CNTN3: variants seen among roughly 807,000 people sequenced by gnomAD.
CNTN3 encodes the protein contactin-3.
CNTN3 carries 60 observed loss-of-function variants against 119.1 expected under a neutral mutation model. That is an observed-to-expected ratio of 0.50 (90% CI 0.41 to 0.62). The LOEUF is 0.62. Among genes scored for constraint, CNTN3 ranks in the 20% least tolerant of loss-of-function variants. CNTN3 has a pLI of 0.00. For missense variants in CNTN3, 1,101 were observed against 1,242.4 expected (o/e 0.89, Z 1.71); for synonymous variants, 450 against 438.7 (o/e 1.03, Z -0.32).
At chr3:74,285,763 A>T (rs1702097969) in intron 19 of CNTN3, among the ~76,000 whole-genome samples, 1 of 135,656 alleles carries the variant, frequency 7.4e-6, no homozygotes, top group African/African-American at 2.6e-5. Context: ...CCAGACTATG[A>T]GATTATAAGT....
intron 1 of CNTN3, among the ~76,000 whole-genome samples, chr3:74,551,754 C>CTTTTTTTTTTTTTTTTTTT (rs776621925): frequency 1.7e-5 from 1 of 60,178 alleles, no homozygotes; most frequent in Non-Finnish European, 2.8e-5. Flanking sequence ...TCTTCTTCTT[C>CTTTTTTTTTTTTTTTTTTT]TTTTTTTTTT....
At chr3:74,610,878 A>C (rs537049290) in intron 1 of CNTN3, among the ~76,000 whole-genome samples, 1 of 152,314 alleles carries the variant, frequency 6.6e-6, no homozygotes, top group Admixed American at 6.5e-5. Context: ...AAATAAAAGC[A>C]CTTGAAGTAT....
At chr3:74,450,552 T>C (rs562164142) in intron 4 of CNTN3, among the ~76,000 whole-genome samples, 2 of 151,692 alleles carry the variant, frequency 1.3e-5, no homozygotes, top group Non-Finnish European at 2.9e-5. Context: ...AGGGTACATG[T>C]GCACAATGTG....
chr3:74,606,970 T>C (rs894675322), intron 1 of CNTN3, among the ~76,000 whole-genome samples: 20 of 152,258 alleles, frequency 1.3e-4, no homozygotes, highest in African/African-American at 4.8e-4. Context: ...GAAAAAAATT[T>C]ATGTACTCCA....
intron 5 of CNTN3, among the ~76,000 whole-genome samples, chr3:74,371,966 C>T (rs894854164): frequency 1.3e-5 from 2 of 152,092 alleles, no homozygotes; most frequent in Admixed American, 1.3e-4. Flanking sequence ...ACTTTCAACA[C>T]CAACCACATT....
intron 13 of CNTN3, among the ~76,000 whole-genome samples, chr3:74,317,476 C>T (rs1702864277): frequency 6.6e-6 from 1 of 152,072 alleles, no homozygotes; most frequent in Non-Finnish European, 1.5e-5. Flanking sequence ...TGGCTGGTAC[C>T]AGTTGTTCCT....
chr3:74,292,435 G>A (rs145181220), intron 19 of CNTN3, among the ~76,000 whole-genome samples: 52 of 152,188 alleles, frequency 3.4e-4, no homozygotes, highest in African/African-American at 9.4e-4. Context: ...GCGTGGTGGC[G>A]TGCACCTGTA....
intron 2 of CNTN3, among the ~76,000 whole-genome samples, chr3:74,513,353 C>A (rs1026678990): frequency 2.0e-5 from 3 of 152,092 alleles, no homozygotes; most frequent in Non-Finnish European, 4.4e-5. Context: ...CAGCCAATAG[C>A]AGCTTTCACC....
rs200860489 is a variant in CNTN3 at position 74,334,914 on chromosome 3, T to C, written c.1493-4A>G. On this transcript the variant is annotated splice_region_variant and splice_polypyrimidine_tract_variant and intron_variant, in intron 12 of 22. Transcript: ENST00000263665. ...GCCAAAGTTATTCTTGTTGGTTCTA[T>C]TGGGGAAATAATTTTTCAGAAAAAC... 32 of 1,600,354 alleles carry C rather than the reference T, an allele frequency of 2.0e-5. No individual in the cohort carries two copies. The highest frequency in any genetic ancestry group is 2.6e-5 in the Non-Finnish European group (31 of 1,174,576).
chr3:74,360,681 C>T (rs2106769673), intron 11 of CNTN3, among the ~76,000 whole-genome samples: 1 of 152,186 alleles, frequency 6.6e-6, no homozygotes, highest in Non-Finnish European at 1.5e-5. Flanking sequence ...ATTTTGTACT[C>T]ATTCAGGTTG....
chr3:74,576,242 C>G (rs1704415010), intron 1 of CNTN3, among the ~76,000 whole-genome samples: 1 of 152,158 alleles, frequency 6.6e-6, no homozygotes, highest in African/African-American at 2.4e-5. Flanking sequence ...CACACAGATT[C>G]ATTTCTTCAA....
chr3:74,474,120 G>T (rs1702612617), intron 4 of CNTN3, among the ~76,000 whole-genome samples: 1 of 152,072 alleles, frequency 6.6e-6, no homozygotes, highest in African/African-American at 2.4e-5. Flanking sequence ...GAGGTGAGAG[G>T]CGAGCTGACT....
chr3:74,360,005 C>T (rs985994750), intron 11 of CNTN3, among the ~76,000 whole-genome samples: 1 of 152,170 alleles, frequency 6.6e-6, no homozygotes, highest in Admixed American at 6.5e-5. Flanking sequence ...CTATTCTGTG[C>T]AGCCTAGCAT....
intron 19 of CNTN3, among the ~76,000 whole-genome samples, chr3:74,291,201 T>A (rs1285688184): frequency 6.6e-6 from 1 of 152,178 alleles, no homozygotes; most frequent in East Asian, 1.9e-4. Context: ...GTTTCCAGCT[T>A]CATCCATGTC....
chr3:74,285,663 G>C (rs1049798946), intron 19 of CNTN3, among the ~76,000 whole-genome samples, 172 bp from the exon 20 acceptor site: 7 of 151,126 alleles, frequency 4.6e-5, no homozygotes, highest in African/African-American at 1.5e-4. Flanking sequence ...CAGCAGTGAA[G>C]ATAGAGAAAA....
intron 1 of CNTN3, among the ~76,000 whole-genome samples, chr3:74,535,606 A>C (rs747423471): frequency 6.6e-6 from 1 of 151,980 alleles, no homozygotes; most frequent in Admixed American, 6.6e-5. Context: ...AGCACATCCA[A>C]CTCAGCCTTG....
At chr3:74,269,864 G>A (rs1329576124) in intron 20 of CNTN3, among the ~76,000 whole-genome samples, 1 of 152,114 alleles carries the variant, frequency 6.6e-6, no homozygotes, top group Non-Finnish European at 1.5e-5. Context: ...GCTGGTGGAA[G>A]GGGAAATGGA....
intron 4 of CNTN3, among the ~76,000 whole-genome samples, chr3:74,464,648 T>C (rs1287430755): frequency 6.6e-6 from 1 of 152,198 alleles, no homozygotes; most frequent in Non-Finnish European, 1.5e-5. Flanking sequence ...AAAAAATCCA[T>C]ATTATATAGT....
intron 1 of CNTN3, among the ~76,000 whole-genome samples, chr3:74,565,513 C>T (rs1704213287): frequency 6.6e-6 from 1 of 152,140 alleles, no homozygotes; most frequent in African/African-American, 2.4e-5. Context: ...ATATAAAGTC[C>T]ATTTTGCCAT....
Sources: allele counts gnomAD v4.1 joint callset (sites outside exome capture counted in the v4.1 genomes callset), GRCh38; gene constraint gnomAD v4.1.1; transcripts MANE v1.5; gene names NCBI Gene and HGNC (gene_info 2026-07-23, HGNC 2026-07-21).